The following SLIT3 variants were observed in gnomAD, a reference collection of about 807,000 sequenced individuals.
SLIT3 encodes the protein slit guidance ligand 3.
A neutral mutation model predicts 184.0 loss-of-function variants in SLIT3; 68 were observed. The observed-to-expected ratio is 0.37, with a 90% CI of 0.30 to 0.45. The LOEUF (loss-of-function observed/expected upper bound fraction) is 0.45, where lower values mean the gene tolerates loss of function less well. Ranked by LOEUF, SLIT3 falls within the 20% of genes least tolerant of loss-of-function variation. The pLI, the probability that SLIT3 is intolerant of heterozygous loss-of-function variation, is 1.00. For synonymous variants in SLIT3, 831 were observed against 828.6 expected (o/e 1.00, Z -0.05); for missense variants, 1,707 against 2,026.0 (o/e 0.84, Z 3.02).
intron 4 of SLIT3, among the ~76,000 whole-genome samples, chr5:168,895,366 A>C (rs1224893642): frequency 5.3e-5 from 8 of 152,324 alleles, no homozygotes; most frequent in Admixed American, 2.6e-4. Context: ...GGCAGGCAGC[A>C]CTGCAGCTCA....
intron 4 of SLIT3, among the ~76,000 whole-genome samples, chr5:169,077,369 C>T (rs113282031): frequency 7.9e-5 from 12 of 152,052 alleles, no homozygotes; most frequent in African/African-American, 2.9e-4. Context: ...AAACCCGTCT[C>T]TACTGAAAAA....
At chr5:169,000,049 A>G (rs948423816) in intron 4 of SLIT3, among the ~76,000 whole-genome samples, 8 of 152,162 alleles carry the variant, frequency 5.3e-5, no homozygotes, top group Non-Finnish European at 8.8e-5. Context: ...TGCTCAACAA[A>G]TACTGCGATC....
chr5:169,267,695 T>C (rs1766449238), intron 1 of SLIT3, among the ~76,000 whole-genome samples: 1 of 152,186 alleles, frequency 6.6e-6, no homozygotes, highest in South Asian at 2.1e-4. Context: ...TCAACACAAA[T>C]GGTCATTCCC....
intron 23 of SLIT3, among the ~76,000 whole-genome samples, chr5:168,715,036 T>G (rs1762675730): frequency 6.6e-6 from 1 of 152,194 alleles, no homozygotes; most frequent in Admixed American, 6.5e-5. Flanking sequence ...GGAACTATCC[T>G]CATTCTAAAT....
At chr5:168,784,889 G>GCACA (rs1180456011) in intron 12 of SLIT3, among the ~76,000 whole-genome samples, 1 of 141,240 alleles carries the variant, frequency 7.1e-6, no homozygotes, top group Non-Finnish European at 1.6e-5. Context: ...ACACACACAC[G>GCACA]CACACACACA....
In SLIT3 at chr5:169,300,725, G is replaced by A; in HGVS notation, c.-16C>T. The A allele has an allele frequency of 7.7e-7, 1 of 1,304,790 alleles. No homozygotes were observed. Among genetic ancestry groups the A allele is most frequent in the Non-Finnish European group, 9.7e-7 (1 of 1,029,648 alleles). The allele number at this position is 1,304,790 out of a possible 1,614,324, so 80.8% of individuals were successfully genotyped here. Reference sequence around the variant, plus strand: ...CGGGGGCCATGGTGTGCAGGGCCCCGCTCCTGGAGGAGGCTGCCTCTGCGG... The same window carrying A: ...CGGGGGCCATGGTGTGCAGGGCCCCACTCCTGGAGGAGGCTGCCTCTGCGG... On this transcript the variant is annotated 5_prime_UTR_variant, in exon 1 of 36. Transcript: ENST00000519560. This position sits in a 1 kb window ranked among gnomAD's most constrained non-coding sequence, Gnocchi z 4.1.
rs141146430 is a variant in SLIT3, at chr5:168,988,818, C to T, written c.414-105482G>A. On this transcript the variant is annotated intron_variant, in intron 4 of 35. Coordinates refer to ENST00000519560, the MANE Select transcript of SLIT3 (RefSeq NM_003062.4). The stretch of plus-strand genomic sequence containing the variant: ...AGCACTAGAATTGAGCCTCGAAAGC[C>T]TTCCTGGGTTTTGCCTCCAGAGAAA... 7.9e-5 allele frequency among the ~76,000 whole-genome samples: 12 copies of T among 152,298 alleles called. No homozygotes were observed. The East Asian group carries it at 2.3e-3, about 29-fold the overall frequency.
intron 1 of SLIT3, among the ~76,000 whole-genome samples, chr5:169,292,595 T>C (rs1244201379): frequency 6.6e-6 from 1 of 151,914 alleles, no homozygotes; most frequent in African/African-American, 2.4e-5. Flanking sequence ...TTGAAAAAAA[T>C]GCACAGAGAA....
intron 4 of SLIT3, among the ~76,000 whole-genome samples, chr5:169,147,524 G>T (rs1761966520): frequency 1.3e-5 from 2 of 152,180 alleles, no homozygotes; most frequent in Non-Finnish European, 2.9e-5. Flanking sequence ...CCCCCAAAGT[G>T]CTGGGATTAC....
chr5:168,858,018 C>T (rs1758960848), intron 5 of SLIT3, among the ~76,000 whole-genome samples: 1 of 152,236 alleles, frequency 6.6e-6, no homozygotes, highest in East Asian at 1.9e-4. Context: ...CTCAGCTCTT[C>T]TGTGTCTTAG....
chr5:169,064,241 G>A (rs745557821), intron 4 of SLIT3, among the ~76,000 whole-genome samples: 3 of 152,194 alleles, frequency 2.0e-5, no homozygotes, highest in Non-Finnish European at 4.4e-5. Context: ...CGGGAGGGGA[G>A]GCAAGGGACA....
chr5:169,285,578 T>A (rs568655833), intron 1 of SLIT3, among the ~76,000 whole-genome samples: 1 of 152,356 alleles, frequency 6.6e-6, no homozygotes, highest in South Asian at 2.1e-4. Flanking sequence ...AGGGGTACTA[T>A]GTTGCTTTTA....
At chr5:168,820,841 A>G (rs1757505384) in intron 7 of SLIT3, among the ~76,000 whole-genome samples, 1 of 152,296 alleles carries the variant, frequency 6.6e-6, no homozygotes, top group South Asian at 2.1e-4. Flanking sequence ...GTCAGTGTTC[A>G]TTTTCTATAA....
intron 4 of SLIT3, among the ~76,000 whole-genome samples, chr5:169,002,581 G>A (rs1235060314): frequency 2.0e-5 from 3 of 152,132 alleles, no homozygotes; most frequent in African/African-American, 4.8e-5. Context: ...GGAAAGTCAC[G>A]TGGAGTGAGT....
At chr5:169,281,899 T>C (rs1767010099) in intron 1 of SLIT3, among the ~76,000 whole-genome samples, 1 of 152,128 alleles carries the variant, frequency 6.6e-6, no homozygotes, top group African/African-American at 2.4e-5. Context: ...CATTTGGCAA[T>C]GTCTGGAAAC....
chr5:168,830,031 G>A (rs902733753), intron 6 of SLIT3, among the ~76,000 whole-genome samples: 1 of 152,152 alleles, frequency 6.6e-6, no homozygotes, highest in East Asian at 1.9e-4. Context: ...GCTGCTGATG[G>A]GCAGCCAACA....
At chr5:169,266,687 C>A (rs569735976) in intron 1 of SLIT3, among the ~76,000 whole-genome samples, 1 of 152,284 alleles carries the variant, frequency 6.6e-6, no homozygotes, top group Non-Finnish European at 1.5e-5. Context: ...ACTGATATAT[C>A]TGGGCTTATT....
At chr5:169,039,094 A>T (rs1757358293) in intron 4 of SLIT3, among the ~76,000 whole-genome samples, 1 of 152,132 alleles carries the variant, frequency 6.6e-6, no homozygotes, top group Admixed American at 6.5e-5. Context: ...ATGTGTGCAC[A>T]ACGTGCAGGT....
At chr5:168,934,619 T>A (rs1185405202) in intron 4 of SLIT3, among the ~76,000 whole-genome samples, 1 of 152,016 alleles carries the variant, frequency 6.6e-6, no homozygotes, top group Non-Finnish European at 1.5e-5. Flanking sequence ...AGAACTGACA[T>A]GCAAGTTCAA....
Sources: allele counts gnomAD v4.1 joint callset (sites outside exome capture counted in the v4.1 genomes callset), GRCh38; gene constraint gnomAD v4.1.1; non-coding constraint Gnocchi (gnomAD v3.1); transcripts MANE v1.5; gene names NCBI Gene and HGNC (gene_info 2026-07-23, HGNC 2026-07-21).